The following CRYBG3 variants were observed in gnomAD, a reference collection of about 807,000 sequenced individuals.
The protein encoded by CRYBG3 is very large A-kinase anchor protein.
In CRYBG3, 127 loss-of-function variants were observed where a neutral mutation model predicts 244.2. That is an observed-to-expected ratio of 0.52 (90% CI 0.45 to 0.60). The LOEUF (loss-of-function observed/expected upper bound fraction) is 0.60, where lower values mean the gene tolerates loss of function less well. CRYBG3 is among the 20% of genes least tolerant of loss of function. CRYBG3 has a pLI of 0.00. For synonymous variants in CRYBG3, 1,132 were observed against 1,195.8 expected (o/e 0.95, Z 1.10); for missense variants, 3,325 against 3,442.5 (o/e 0.97, Z 0.85).
chr3:97,894,279 G>GT (rs944536580), intron 11 of CRYBG3, among the ~76,000 whole-genome samples: 117 of 151,548 alleles, frequency 7.7e-4, no homozygotes, highest in Admixed American at 2.8e-3. Flanking sequence ...TATTCTCTAA[G>GT]TTTTTTTTTA....
In CRYBG3 at chr3:97,912,248, C is replaced by T; in HGVS notation, c.8086C>T (p.Pro2696Ser). ...EETSDLTSLM[P>S]CSFKVLRGCW... ...AACTTCTGATTTGACTTCACTCATG[C>T]CATGTTCTTTTAAAGTTCTTCGAGG... Residue 2696 changes from proline to serine, a missense_variant, in exon 16 of 22, where the codon CCA (proline) becomes TCA (serine). Physicochemically the swap from Pro to Ser is moderately conservative, Grantham distance 74. Around this residue, in one of 4 missense-constraint regions of CRYBG3, gnomAD observed 714 missense variants for 803.6 expected, o/e 0.89. Transcript: ENST00000389622. 1.2e-6 allele frequency: 2 copies of T among 1,602,674 alleles called. No homozygotes were observed. Among genetic ancestry groups the T allele is most frequent in the Non-Finnish European group, 8.5e-7 (1 of 1,173,440 alleles).
At chr3:97,841,678 G>C (rs1373615101) in intron 1 of CRYBG3, among the ~76,000 whole-genome samples, 1 of 151,952 alleles carries the variant, frequency 6.6e-6, no homozygotes, top group African/African-American at 2.4e-5. Context: ...TCCACCACCA[G>C]TGACCACTAT....
chr3:97,877,024 T>C lies in CRYBG3; in HGVS notation c.5830T>C (p.Tyr1944His). ...SPTLSKDYEGYPAPAMPDFQP... is the reference protein window; with the variant it reads ...SPTLSKDYEGHPAPAMPDFQP... ...TACATTAAGTAAGGATTATGAGGGC[T>C]ACCCAGCCCCAGCAATGCCAGATTT... Residue 1944 changes from tyrosine to histidine, a missense_variant, in exon 4 of 22, where the codon TAC becomes CAC. By Grantham distance (83) the Tyr-to-His change is moderately conservative (BLOSUM62 2). This residue lies in a region of CRYBG3 where 450 missense variants were observed against 424.1 expected (regional missense o/e 1.06). Transcript: ENST00000389622. 2 of 1,570,582 alleles carry C rather than the reference T, an allele frequency of 1.3e-6. No homozygotes were observed. Among genetic ancestry groups the C allele is most frequent in the Non-Finnish European group, 1.7e-6 (2 of 1,159,910 alleles).
chr3:97,825,687 C>T (rs1260329672), intron 1 of CRYBG3, among the ~76,000 whole-genome samples: 1 of 152,162 alleles, frequency 6.6e-6, no homozygotes, highest in Non-Finnish European at 1.5e-5. Flanking sequence ...CTGAAAATTC[C>T]TCCACCCAGG....
At chr3:97,824,682 A>G (rs2038555553) in intron 1 of CRYBG3, among the ~76,000 whole-genome samples, 2 of 152,208 alleles carry the variant, frequency 1.3e-5, no homozygotes, top group South Asian at 4.1e-4. Flanking sequence ...ATTAGCATCA[A>G]CACTATTGTA....
Position 97,877,347 on chromosome 3 carries a change from C to T in CRYBG3, c.6153C>T (p.His2051=), listed in dbSNP as rs372296681. 6.2e-7 allele frequency: 1 copy of T among 1,614,094 alleles called. No homozygotes were observed. The highest frequency in any genetic ancestry group is 8.5e-7 in the Non-Finnish European group (1 of 1,179,986). The part of the protein sequence containing the change: ...RSESRTDLVH[H]FEKGTKLGET... ...AGAGTAGAACTGACCTTGTCCATCA[C>T]TTTGAAAAAGGTACTAAATTAGGTG... Residue 2051 remains histidine, a synonymous_variant, in exon 4 of 22, where the codon CAC becomes CAT. Coordinates refer to ENST00000389622, the MANE Select transcript of CRYBG3 (RefSeq NM_153605.4).
intron 1 of CRYBG3, among the ~76,000 whole-genome samples, chr3:97,833,577 G>A (rs538500838): frequency 6.6e-6 from 1 of 152,086 alleles, no homozygotes; most frequent in African/African-American, 2.4e-5. Flanking sequence ...TTGTCAGGGG[G>A]TGTCTAGGGG....
chr3:97,891,909 A>G (rs2039582746), intron 10 of CRYBG3, among the ~76,000 whole-genome samples: 1 of 152,172 alleles, frequency 6.6e-6, no homozygotes. Flanking sequence ...TAATAAACAG[A>G]TGTTGTTCTT....
intron 2 of CRYBG3, among the ~76,000 whole-genome samples, chr3:97,852,417 A>G (rs990687134): frequency 2.0e-5 from 3 of 152,172 alleles, no homozygotes; most frequent in Admixed American, 1.3e-4. Context: ...AGTCGTTAGA[A>G]TGGTGTCCCT....
intron 17 of CRYBG3, among the ~76,000 whole-genome samples, chr3:97,919,753 C>T (rs1480866550): frequency 2.0e-5 from 3 of 147,186 alleles, no homozygotes; most frequent in East Asian, 4.0e-4. Flanking sequence ...ATGCTTGGGG[C>T]GTTGGTGTAG....
chr3:97,927,907 C>T (rs567290598), intron 17 of CRYBG3, among the ~76,000 whole-genome samples: 2 of 152,112 alleles, frequency 1.3e-5, no homozygotes, highest in East Asian at 1.9e-4. Context: ...CAACAAATAA[C>T]AGATGCTAGT....
At chr3:97,842,699 G>T (rs988018722) in intron 1 of CRYBG3, among the ~76,000 whole-genome samples, 4 of 152,102 alleles carry the variant, frequency 2.6e-5, no homozygotes, top group Non-Finnish European at 5.9e-5. Flanking sequence ...TCTGGAATAC[G>T]TTTGGGGCTA....
At chr3:97,845,214 T>C (rs1242192224) in intron 2 of CRYBG3, among the ~76,000 whole-genome samples, 1 of 152,230 alleles carries the variant, frequency 6.6e-6, no homozygotes, top group Non-Finnish European at 1.5e-5. Context: ...AACAGATTTA[T>C]GTAAACATAA....
rs772996842 is a variant in CRYBG3, at chr3:97,874,377, A to G, written c.3183A>G (p.Ser1061=). 5.9e-5 allele frequency: 90 copies of G among 1,530,764 alleles called. No individual in the cohort carries two copies. The highest frequency in any genetic ancestry group is 7.3e-5 in the Non-Finnish European group (84 of 1,145,468). 94.8% of individuals were successfully genotyped at this position (1,530,764 alleles called of 1,614,324 possible). A position where few individuals can be genotyped will look rare whatever the true frequency, so the allele number is the denominator to read the frequency against. Residue 1061 remains serine, a synonymous_variant, in exon 4 of 22, where the codon TCA becomes TCG. Transcript: ENST00000389622. ...TAAATGGTGGTATTGATAGTGTGTC[A>G]TCTTCCTCTAGTTACCCTGAAGAAG... ...HFLNGGIDSV[S]SSSSYPEEVS...
intron 1 of CRYBG3, among the ~76,000 whole-genome samples, chr3:97,828,671 C>CA (rs2038610052): frequency 6.7e-6 from 1 of 150,290 alleles, no homozygotes; most frequent in Non-Finnish European, 1.5e-5. Context: ...TACTAAAATA[C>CA]AAAAAAAATT....
At chr3:97,829,810 T>G (rs917209982) in intron 1 of CRYBG3, among the ~76,000 whole-genome samples, 3 of 152,210 alleles carry the variant, frequency 2.0e-5, no homozygotes, top group African/African-American at 7.2e-5. Flanking sequence ...AGGCAGACAT[T>G]GCCCAAATCT....
Position 97,881,211 on chromosome 3 carries a change from G to A in CRYBG3, c.7144G>A (p.Val2382Ile), listed in dbSNP as rs756226767. The A allele has an allele frequency of 1.9e-6, 3 of 1,595,156 alleles. No individual in the cohort carries two copies. The highest frequency in any genetic ancestry group is 2.3e-5 in the South Asian group (2 of 86,570). ...RNFILGSLKR[V>I]LKDCSIPEIE... ...CTTTATATTGGGTTCTCTCAAACGT[G>A]TCTTAAAGGTAACAACTGTAGATTT... Residue 2382 changes from valine (V) to isoleucine (I), a missense_variant, in exon 7 of 22, where the codon GTC (valine) becomes ATC (isoleucine). Val to Ile is a conservative substitution (Grantham distance 29, BLOSUM62 3). Around this residue, in one of 4 missense-constraint regions of CRYBG3, gnomAD observed 714 missense variants for 803.6 expected, o/e 0.89. Coordinates refer to ENST00000389622, the MANE Select transcript of CRYBG3 (RefSeq NM_153605.4).
At chr3:97,903,892 G>A (rs903183193) in intron 15 of CRYBG3, among the ~76,000 whole-genome samples, 3 of 151,898 alleles carry the variant, frequency 2.0e-5, no homozygotes, top group South Asian at 2.1e-4. Flanking sequence ...TTTTTCCTTC[G>A]CTTCCATTTC....
chr3:97,895,869 C>G, intron 11 of CRYBG3, 90 bp from the exon 12 acceptor site: 1 of 1,159,658 alleles, frequency 8.6e-7, no homozygotes, highest in Non-Finnish European at 1.2e-6. Context: ...TGGAGATGAA[C>G]CACTATGAGC....
Sources: gnomAD v4.1 joint callset for allele counts (sites outside exome capture counted in the v4.1 genomes callset) on GRCh38, gnomAD v4.1.1 for gene constraint, gnomAD v4.1.1 regional missense constraint, MANE v1.5 for transcripts, NCBI Gene and HGNC (gene_info 2026-07-23, HGNC 2026-07-21) for gene names.